The following APOBEC3G variants were observed in gnomAD, a reference collection of about 807,000 sequenced individuals.
APOBEC3G encodes the protein DNA dC->dU-editing enzyme APOBEC-3G.
In APOBEC3G, 44 loss-of-function variants were observed where a neutral mutation model predicts 50.0. The ratio of observed to expected loss-of-function variants is 0.88; its 90% CI spans 0.69 to 1.13. The LOEUF is 1.13. APOBEC3G is among the 50% of genes most tolerant of loss of function. The pLI, the probability that APOBEC3G is intolerant of heterozygous loss-of-function variation, is 0.00. For missense variants in APOBEC3G, 469 were observed against 492.0 expected (o/e 0.95, Z 0.44); for synonymous variants, 156 against 175.3 (o/e 0.89, Z 0.87).
chr22:39,077,608 C>T (rs1461525493), intron 1 of APOBEC3G, among the ~76,000 whole-genome samples: 3 of 152,170 alleles, frequency 2.0e-5, no homozygotes, highest in Admixed American at 6.5e-5. Context: ...CCCAGGTCCC[C>T]TGCTGAGACT....
intron 1 of APOBEC3G, chr22:39,078,713 T>C (rs535067600): frequency 2.9e-5 from 17 of 582,102 alleles, no homozygotes; most frequent in African/African-American, 2.9e-4. Flanking sequence ...ATTCTGTCTC[T>C]CTCTCTCTTT....
At position 39,086,404 on chromosome 22, in the gene APOBEC3G, C is replaced by T. The variant is rs545130640; in HGVS notation, c.861C>T (p.Pro287=). ...TTACCTGCTTCACCTCCTGGAGCCC[C>T]TGCTTCAGCTGTGCCCAGGAAATGG... is the stretch of plus-strand genomic sequence containing the variant. ...YRVTCFTSWS[P]CFSCAQEMAK... Residue 287 remains proline, a synonymous_variant, in exon 6 of 8, where the codon CCC becomes CCT. Transcript: ENST00000407997. 1.1e-5 allele frequency: 18 copies of T among 1,614,190 alleles called. No individual in the cohort carries two copies. In the Admixed American group the frequency reaches 1.5e-4, roughly 13 times the overall value.
chr22:39,078,065 G>T (rs1022840720), intron 1 of APOBEC3G, among the ~76,000 whole-genome samples: 7 of 152,200 alleles, frequency 4.6e-5, no homozygotes, highest in African/African-American at 1.4e-4. Flanking sequence ...TTCAAGACCA[G>T]CCTGACCAGC....
At chr22:39,082,113 G>C (rs1407759141) in intron 4 of APOBEC3G, 2 of 157,310 alleles carry the variant, frequency 1.3e-5, no homozygotes, top group African/African-American at 4.8e-5. Flanking sequence ...GAGGCTGCAA[G>C]TCCAAGGTGG....
Position 39,082,019 on chromosome 22 carries a change from A to T in APOBEC3G, c.581+434A>T, listed in dbSNP as rs114667203. 1,536 of 166,552 alleles carry T rather than the reference A, an allele frequency of 9.2e-3. 41 individuals are homozygous for T. Among genetic ancestry groups the T allele is most frequent in the African/African-American group, 0.035 (1,471 of 41,740 alleles). 10.3% of individuals were successfully genotyped at this position (166,552 alleles called of 1,614,324 possible). ...CCCTGAGAAGGAGCTGCCTCCATGG[A>T]AACAGAGCTTCAGGCTTCGGCTGCC... On this transcript the variant is annotated intron_variant, in intron 4 of 7. Coordinates refer to ENST00000407997, the MANE Select transcript of APOBEC3G (RefSeq NM_021822.4).
At chr22:39,087,353 G>A in intron 7 of APOBEC3G, 54 bp from the exon 8 acceptor site, 1 of 1,613,372 alleles carries the variant, frequency 6.2e-7, no homozygotes, top group African/African-American at 1.3e-5. Context: ...TCCACCATAT[G>A]CCTACTTTCC....
Position 39,086,378 on chromosome 22 carries a change from G to C in APOBEC3G, c.835G>C (p.Val279Leu). The C allele has an allele frequency of 6.2e-7, 1 of 1,614,166 alleles. No individual in the cohort carries two copies. The highest frequency in any genetic ancestry group is 8.5e-7 in the Non-Finnish European group (1 of 1,180,022). ...WKLDLDQDYR[V>L]TCFTSWSPCF... is the part of the protein sequence containing the mutation. Reference sequence around the variant, plus strand: ...GCTGGACCTGGACCAGGACTACAGGGTTACCTGCTTCACCTCCTGGAGCCC... The same window carrying C: ...GCTGGACCTGGACCAGGACTACAGGCTTACCTGCTTCACCTCCTGGAGCCC... The change falls in exon 6 of 8, where the codon GTT becomes CTT. Residue 279 changes from valine to leucine, a missense_variant. By Grantham distance (32) the Val-to-Leu change is conservative (BLOSUM62 1). Transcript: ENST00000407997.
chr22:39,081,320 C>G lies in APOBEC3G; in HGVS notation c.466+93C>G, dbSNP rs932517978. On this transcript the variant is annotated intron_variant, in intron 3 of 7. Transcript: ENST00000407997. ...CATACCTGTGGGTCTGCTCTGATGC[C>G]TGCAAAGGCCAAGTGTCCCAGGGGA... The G allele has an allele frequency of 3.1e-5, 48 of 1,559,556 alleles. No individual in the cohort carries two copies. In the Middle Eastern group the frequency reaches 8.7e-4, roughly 28 times the overall value.
intron 5 of APOBEC3G, among the ~76,000 whole-genome samples, chr22:39,085,671 G>C (rs1418662142): frequency 2.0e-5 from 3 of 152,110 alleles, no homozygotes; most frequent in East Asian, 1.9e-4. Flanking sequence ...CAGATCACTT[G>C]AGGTCAGGAG....
intron 7 of APOBEC3G, 59 bp downstream of exon 7, chr22:39,087,185 C>T (rs1406945583): frequency 6.2e-7 from 1 of 1,610,948 alleles, no homozygotes; most frequent in Non-Finnish European, 8.5e-7. Context: ...CCCCTCTCCC[C>T]TGCGCCGTGC....
In APOBEC3G at chr22:39,081,247, G is replaced by T; in HGVS notation, c.466+20G>T. On this transcript the variant is annotated intron_variant, in intron 3 of 7. Transcript: ENST00000407997. ...ATGACGGTGAGAAGTGGGAGGTTCA[G>T]GGGTGTGGGAGAGACTGCTTAAGTG... The T allele has an allele frequency of 6.2e-7, 1 of 1,611,510 alleles. No homozygotes were observed. Among genetic ancestry groups the T allele is most frequent in the Non-Finnish European group, 8.5e-7 (1 of 1,178,666 alleles).
At chr22:39,078,533 A>C (rs900191404) in intron 1 of APOBEC3G, 1 of 166,692 alleles carries the variant, frequency 6.0e-6, no homozygotes, top group African/African-American at 2.4e-5. Context: ...GGCCCCTGCC[A>C]GCCTAGGGCA....
At chr22:39,084,452 G>A (rs1400168265) in intron 5 of APOBEC3G, among the ~76,000 whole-genome samples, 1 of 152,020 alleles carries the variant, frequency 6.6e-6, no homozygotes, top group African/African-American at 2.4e-5. Context: ...GCATGAACCT[G>A]GGAGGCAGAG....
chr22:39,079,029 G>A lies in APOBEC3G; in HGVS notation c.115G>A (p.Val39Met). Residue 39 changes from valine (V) to methionine (M), a missense_variant, in exon 2 of 8, where the codon GTG (valine) becomes ATG (methionine). By Grantham distance (21) the Val-to-Met change is conservative. Coordinates refer to ENST00000407997, the MANE Select transcript of APOBEC3G (RefSeq NM_021822.4). ...RRNTVWLCYE[V>M]KTKGPSRPPL... ...GAATACCGTCTGGCTGTGCTACGAA[G>A]TGAAAACAAAGGGTCCCTCAAGGCC... is the stretch of plus-strand genomic sequence containing the variant. The A allele has an allele frequency of 6.2e-7, 1 of 1,614,228 alleles. No individual in the cohort carries two copies. Among genetic ancestry groups the A allele is most frequent in the Non-Finnish European group, 8.5e-7 (1 of 1,180,028 alleles).
At position 39,077,485 on chromosome 22, in the gene APOBEC3G, G is replaced by C. The variant is rs536279032; in HGVS notation, c.17+107G>C. 4.2e-3 allele frequency: 6,472 copies of C among 1,539,544 alleles called. 21 individuals are homozygous for C. Among genetic ancestry groups the C allele is most frequent in the Non-Finnish European group, 5.4e-3 (6,135 of 1,142,498 alleles). On this transcript the variant is annotated intron_variant, in intron 1 of 7. Coordinates refer to ENST00000407997, the MANE Select transcript of APOBEC3G (RefSeq NM_021822.4). Reference sequence around the variant, plus strand: ...TCCCCTGCCCCAGCCCCAGCCCTGGGCTCCCTCCCCTCTGACTCCCCTGCA... The same window carrying C: ...TCCCCTGCCCCAGCCCCAGCCCTGGCCTCCCTCCCCTCTGACTCCCCTGCA...
chr22:39,078,401 T>C (rs1204527660), intron 1 of APOBEC3G: 1 of 152,994 alleles, frequency 6.5e-6, no homozygotes, highest in Non-Finnish European at 1.5e-5. Context: ...GGGCCAGTGA[T>C]ACAGAGACTG....
intron 4 of APOBEC3G, chr22:39,081,869 T>C: frequency 5.3e-6 from 2 of 380,904 alleles, no homozygotes; most frequent in Admixed American, 4.3e-5. Context: ...AGCCCCAACC[T>C]GGCCCCTTCC....
Position 39,086,551 on chromosome 22 carries a change from A to C in APOBEC3G, c.1008A>C (p.Ser336=). Residue 336 remains serine (S), a synonymous_variant, in exon 6 of 8, where the codon TCA becomes TCC. Transcript: ENST00000407997. ...TGGCCGAGGCTGGGGCCAAAATTTC[A>C]ATAATGACATACAGTGGTGAGAATG... ...RTLAEAGAKI[S]IMTYSEFKHC... is the part of the protein sequence containing the mutation. 1.2e-6 allele frequency: 2 copies of C among 1,607,306 alleles called. No homozygotes were observed. Among genetic ancestry groups the C allele is most frequent in the Non-Finnish European group, 1.7e-6 (2 of 1,175,844 alleles).
chr22:39,082,154 C>T (rs1030878636), intron 4 of APOBEC3G: 6 of 154,944 alleles, frequency 3.9e-5, no homozygotes, highest in African/African-American at 7.2e-5. Context: ...CTTCTGCAGT[C>T]GCTCCTCCTG....
Sources: gnomAD v4.1 joint callset for allele counts (sites outside exome capture counted in the v4.1 genomes callset) on GRCh38, gnomAD v4.1.1 for gene constraint, MANE v1.5 for transcripts, NCBI Gene and HGNC (gene_info 2026-07-23, HGNC 2026-07-21) for gene names.